The following THSD7B variants were observed in gnomAD, a reference collection of about 807,000 sequenced individuals.
THSD7B encodes thrombospondin type 1 domain containing 7B.
In THSD7B, 138 loss-of-function variants were observed where a neutral mutation model predicts 213.6. The observed-to-expected ratio is 0.65, with a 90% CI of 0.56 to 0.74. The LOEUF is 0.74. THSD7B is among the 30% of genes least tolerant of loss of function. The pLI is 0.00. For synonymous variants in THSD7B, 742 were observed against 687.0 expected, an observed-to-expected ratio of 1.08 and a Z score of -1.25; for missense variants, 1,931 against 1,991.5, an observed-to-expected ratio of 0.97 and a Z score of 0.58.
At chr2:136,993,144 G>A (rs78367061) in intron 2 of THSD7B, among the ~76,000 whole-genome samples, 40 of 152,156 alleles carry the variant, frequency 2.6e-4, no homozygotes, top group Non-Finnish European at 5.3e-4. Flanking sequence ...TGTCAGTACT[G>A]GCCTTTGCAA....
At chr2:137,140,129 G>A (rs1679551995) in intron 5 of THSD7B, among the ~76,000 whole-genome samples, 1 of 151,796 alleles carries the variant, frequency 6.6e-6, no homozygotes, top group Non-Finnish European at 1.5e-5. Context: ...AATAGTTTTT[G>A]GTGTAATTTA....
intron 15 of THSD7B, among the ~76,000 whole-genome samples, chr2:137,465,229 T>C (rs1687968163): frequency 1.3e-5 from 2 of 151,768 alleles, no homozygotes; most frequent in South Asian, 2.1e-4. Flanking sequence ...TGTGAGCCCC[T>C]TCAATGGCAT....
At chr2:137,365,318 G>A (rs1407666600) in intron 12 of THSD7B, among the ~76,000 whole-genome samples, 1 of 152,138 alleles carries the variant, frequency 6.6e-6, no homozygotes, top group Non-Finnish European at 1.5e-5. Context: ...TGCCATTTAG[G>A]ACATAGGCAT....
intron 15 of THSD7B, among the ~76,000 whole-genome samples, chr2:137,456,628 A>G (rs1687769502): frequency 6.6e-6 from 1 of 152,206 alleles, no homozygotes; most frequent in African/African-American, 2.4e-5. Context: ...GGGTATCCAT[A>G]TGGAAGGCAG....
intron 2 of THSD7B, among the ~76,000 whole-genome samples, chr2:136,952,648 C>T (rs1425787400): frequency 6.6e-6 from 1 of 151,946 alleles, no homozygotes; most frequent in African/African-American, 2.4e-5. Context: ...CATGCTATAC[C>T]AACACTTCTA....
intron 20 of THSD7B, among the ~76,000 whole-genome samples, chr2:137,625,146 TA>T (rs1380914007): frequency 6.6e-6 from 1 of 152,050 alleles, no homozygotes; most frequent in Non-Finnish European, 1.5e-5. Flanking sequence ...TATGCAGCCA[TA>T]AAAAATGATG....
intron 7 of THSD7B, among the ~76,000 whole-genome samples, chr2:137,206,816 A>T (rs1312489588): frequency 6.6e-6 from 1 of 152,140 alleles, no homozygotes; most frequent in Non-Finnish European, 1.5e-5. Context: ...TTCAGCTTAA[A>T]TGAATGAAAG....
chr2:137,338,966 C>G (rs886854459), intron 12 of THSD7B, among the ~76,000 whole-genome samples: 3 of 152,000 alleles, frequency 2.0e-5, no homozygotes, highest in Admixed American at 2.0e-4. Context: ...GAATTGGCTA[C>G]TTGTATGTAC....
intron 15 of THSD7B, among the ~76,000 whole-genome samples, chr2:137,454,652 C>A (rs1427679950): frequency 6.6e-6 from 1 of 152,022 alleles, no homozygotes; most frequent in Non-Finnish European, 1.5e-5. Context: ...TAGCAATTTT[C>A]ATGTTTAAAA....
intron 16 of THSD7B, among the ~76,000 whole-genome samples, chr2:137,570,553 T>G (rs568866382): frequency 3.3e-4 from 50 of 152,124 alleles, no homozygotes; most frequent in South Asian, 1.2e-3. Context: ...GTTTTTAATG[T>G]GTGTATAAAA....
chr2:137,584,505 G>A (rs1395407331), intron 17 of THSD7B, among the ~76,000 whole-genome samples: 3 of 152,132 alleles, frequency 2.0e-5, no homozygotes, highest in Non-Finnish European at 1.5e-5. Context: ...TTTGAGATAT[G>A]TCCCATCAAT....
intron 16 of THSD7B, among the ~76,000 whole-genome samples, 176 bp downstream of exon 16, chr2:137,563,530 A>G (rs1013128262): frequency 6.6e-6 from 1 of 152,144 alleles, no homozygotes; most frequent in Non-Finnish European, 1.5e-5. Context: ...CCATGTGTAT[A>G]GTGGGGTTCC....
At chr2:136,890,386 TTCCTCTTCCTCTTCCTCTTCC>T (rs1683808512) in intron 2 of THSD7B, among the ~76,000 whole-genome samples, 1 of 1,878 alleles carries the variant, frequency 5.3e-4, no homozygotes, top group African/African-American at 1.3e-3. Context: ...CCTCTTCCTC[TTCCTCTTCCTCTTCCTCTTCC>T]TCTTCTTCTT....
At chr2:137,584,515 T>C (rs528856911) in intron 17 of THSD7B, among the ~76,000 whole-genome samples, 1 of 152,358 alleles carries the variant, frequency 6.6e-6, no homozygotes, top group African/African-American at 2.4e-5. Flanking sequence ...GTCCCATCAA[T>C]ACCTAGTTTA....
Position 137,618,448 on chromosome 2 carries a change from C to T in THSD7B, c.3622C>T (p.Arg1208Cys), listed in dbSNP as rs371445184. ...ACCCTGTGGTCAAGGCGTCAGGACC[C>T]GCCTGCTAAGCTGTGTGTGCAGTGA... The part of the protein sequence containing the change: ...NAPCGQGVRT[R>C]LLSCVCSDGK... Residue 1208 changes from arginine (R) to cysteine (C), a missense_variant, in exon 19 of 28, where the codon CGC (arginine) becomes TGC (cysteine). By Grantham distance (180) the Arg-to-Cys change is radical. Transcript: ENST00000409968. 10 of 1,613,770 alleles carry T rather than the reference C, an allele frequency of 6.2e-6. No homozygotes were observed. The highest frequency in any genetic ancestry group is 2.2e-5 in the South Asian group (2 of 91,080).
chr2:137,385,821 C>T lies in THSD7B; in HGVS notation c.2501-19792C>T, dbSNP rs199834726. On this transcript the variant is annotated intron_variant, in intron 12 of 27. Transcript: ENST00000409968. The stretch of plus-strand genomic sequence containing the variant: ...GAATTCTTTAATGAAATCTTGGTTT[C>T]AAAGTCATTATGAAGGTGTATTTGT... 3.9e-5 allele frequency among the ~76,000 whole-genome samples: 6 copies of T among 152,274 alleles called. No individual in the cohort carries two copies. In the East Asian group the frequency reaches 9.6e-4, roughly 24 times the overall value.
intron 15 of THSD7B, among the ~76,000 whole-genome samples, chr2:137,470,523 T>C (rs1467507146): frequency 6.6e-6 from 1 of 152,160 alleles, no homozygotes; most frequent in African/African-American, 2.4e-5. Context: ...TGGCATGTAA[T>C]GATAGGTAGC....
chr2:137,110,464 A>G (rs751298235), intron 4 of THSD7B, among the ~76,000 whole-genome samples: 1 of 152,116 alleles, frequency 6.6e-6, no homozygotes, highest in Non-Finnish European at 1.5e-5. Flanking sequence ...TGCATCCAGT[A>G]TTTGAGTTAT....
At position 136,843,835 on chromosome 2, in the gene THSD7B, G is replaced by A. The variant is rs573092319; in HGVS notation, c.-35-38309G>A. Among the ~76,000 whole-genome samples, 7 of 152,218 alleles carry A rather than the reference G, an allele frequency of 4.6e-5. No individual in the cohort carries two copies. In the East Asian group the frequency reaches 1.4e-3, roughly 29 times the overall value. On this transcript the variant is annotated intron_variant, in intron 1 of 27. Coordinates refer to ENST00000409968, the MANE Select transcript of THSD7B (RefSeq NM_001316349.2). Reference sequence around the variant, plus strand: ...TTCTCTGATGTGTTGTCATATGGTGGGGTTCTGGGGGTACTCCTTGTTCTC... The same window carrying A: ...TTCTCTGATGTGTTGTCATATGGTGAGGTTCTGGGGGTACTCCTTGTTCTC...
Sources: gnomAD v4.1 joint callset for allele counts (sites outside exome capture counted in the v4.1 genomes callset) on GRCh38, gnomAD v4.1.1 for gene constraint, MANE v1.5 for transcripts, NCBI Gene and HGNC (gene_info 2026-07-23, HGNC 2026-07-21) for gene names.